The following LDHAL6A variants were observed in gnomAD, a reference collection of about 807,000 sequenced individuals.
LDHAL6A encodes the protein L-lactate dehydrogenase A-like 6A.
In LDHAL6A, 19 loss-of-function variants were observed where a neutral mutation model predicts 28.2. The ratio of observed to expected loss-of-function variants is 0.67; its 90% CI spans 0.47 to 0.99. The LOEUF (loss-of-function observed/expected upper bound fraction) is 0.99. Ranked by LOEUF, LDHAL6A falls within the 50% of genes least tolerant of loss-of-function variation. LDHAL6A has a pLI of 0.00. For missense variants in LDHAL6A, 372 were observed against 398.6 expected (o/e 0.93, Z 0.57); for synonymous variants, 144 against 134.4 (o/e 1.07, Z -0.49).
chr11:18,471,411 T>C (rs1405938867), intron 3 of LDHAL6A, among the ~76,000 whole-genome samples: 3 of 151,864 alleles, frequency 2.0e-5, no homozygotes, highest in South Asian at 2.1e-4. Context: ...AGTTTTGCCA[T>C]GTTGCCCAGG....
rs1014796958 is a variant in LDHAL6A, at chr11:18,479,518, T to G, written c.*648T>G. 6.6e-6 allele frequency: 1 copy of G among 151,778 alleles called. No homozygotes were observed. Among genetic ancestry groups the G allele is most frequent in the Non-Finnish European group, 1.5e-5 (1 of 67,992 alleles). 9.4% of individuals were successfully genotyped at this position (151,778 alleles called of 1,614,324 possible). ...GTTCATTTACATGCTATCTCTACAA[T>G]GTAAAAATAAAAGTGTATATATATA... On this transcript the variant is annotated 3_prime_UTR_variant, in exon 7 of 7. Coordinates refer to ENST00000280706, the MANE Select transcript of LDHAL6A (RefSeq NM_144972.5).
Position 18,475,495 on chromosome 11 carries a change from T to C in LDHAL6A, c.448T>C (p.Leu150=), listed in dbSNP as rs1429879139. ...TATCTTAACTTATGTAGCCTGGAAG[T>C]TGAGTGGATTTCCCAAAAACCGTGT... is the stretch of plus-strand genomic sequence containing the variant. The part of the protein sequence containing the change: ...VDILTYVAWK[L]SGFPKNRVIG... The change falls in exon 4 of 7, where the codon TTG becomes CTG. Residue 150 remains leucine, a synonymous_variant. Transcript: ENST00000280706. The C allele has an allele frequency of 3.7e-6, 6 of 1,613,988 alleles. No homozygotes were observed. The highest frequency in any genetic ancestry group is 2.2e-5 in the South Asian group (2 of 91,072).
chr11:18,475,604 A>G lies in LDHAL6A; in HGVS notation c.557A>G (p.His186Arg), dbSNP rs761154863. The change falls in exon 4 of 7, where the codon CAT becomes CGT. Residue 186 changes from histidine to arginine, a missense_variant. Transcript: ENST00000280706. ...CTTGGCATCCACTCTGAAAGCTGTC[A>G]TGGGCTGATCCTTGGAGAGCATGGC... ...QRLGIHSESC[H>R]GLILGEHGDS... The G allele has an allele frequency of 4.4e-5, 71 of 1,614,188 alleles. No homozygotes were observed. In the East Asian group the frequency reaches 9.1e-4, roughly 21 times the overall value.
At chr11:18,461,167 CAG>C (rs1222470634) in intron 1 of LDHAL6A, among the ~76,000 whole-genome samples, 19 of 138,302 alleles carry the variant, frequency 1.4e-4, no homozygotes, top group African/African-American at 5.4e-4. Context: ...TTTTTTGAGA[CAG>C]AATCTCGCTC....
intron 3 of LDHAL6A, among the ~76,000 whole-genome samples, chr11:18,471,592 G>A (rs1416390181): frequency 1.3e-5 from 2 of 151,908 alleles, no homozygotes; most frequent in South Asian, 2.1e-4. Context: ...GAAATGTGGA[G>A]CACAAGACAT....
intron 3 of LDHAL6A, chr11:18,469,032 T>G (rs1590255666): frequency 4.9e-6 from 2 of 407,604 alleles, no homozygotes; most frequent in African/African-American, 2.1e-5. Flanking sequence ...GATGATACAT[T>G]ATCACATTGT....
intron 2 of LDHAL6A, among the ~76,000 whole-genome samples, chr11:18,464,977 G>GTTTGTTTTTTTTTTTTTTTTTTTTTTT (rs1849013732): frequency 8.0e-6 from 1 of 125,490 alleles, no homozygotes; most frequent in African/African-American, 3.4e-5. Flanking sequence ...TGTTTTTTTT[G>GTTTGTTTTTTTTTTTTTTTTTTTTTTT]TTTTTTTTTG....
intron 3 of LDHAL6A, among the ~76,000 whole-genome samples, chr11:18,469,753 AT>A (rs1194936572): frequency 6.6e-6 from 1 of 152,222 alleles, no homozygotes; most frequent in Non-Finnish European, 1.5e-5. Context: ...GTCTGTTAAA[AT>A]GGTCCACTAA....
At chr11:18,467,397 T>C (rs1340770006) in intron 3 of LDHAL6A, among the ~76,000 whole-genome samples, 2 of 152,192 alleles carry the variant, frequency 1.3e-5, no homozygotes, top group African/African-American at 2.4e-5. Context: ...ACACTTTTTA[T>C]GGTTTACAGC....
rs1198532659 is a variant in LDHAL6A, at chr11:18,475,303, G to T, written c.419-163G>T. 3 of 568,194 alleles carry T rather than the reference G, an allele frequency of 5.3e-6. No homozygotes were observed. In the Admixed American group the frequency reaches 9.8e-5, roughly 19 times the overall value. 35.2% of individuals were successfully genotyped at this position (568,194 alleles called of 1,614,324 possible). On this transcript the variant is annotated intron_variant, in intron 3 of 6. Transcript: ENST00000280706. ...AAAAGGTTTTTCATTACTTCTATTT[G>T]GTAGATATTCTTAAGAGTTGGCGTA...
intron 3 of LDHAL6A, among the ~76,000 whole-genome samples, chr11:18,470,082 C>T (rs1169604406): frequency 6.6e-6 from 1 of 152,176 alleles, no homozygotes. Context: ...GCATGTGCCA[C>T]CATGCCCAGC....
At chr11:18,465,849 G>A (rs766174352) in intron 3 of LDHAL6A, 39 bp downstream of exon 3, 17 of 1,520,558 alleles carry the variant, frequency 1.1e-5, no homozygotes, top group South Asian at 5.8e-5. Context: ...TTTTAGATTC[G>A]GGGGTACACT....
At chr11:18,464,997 G>T (rs71453057) in intron 2 of LDHAL6A, among the ~76,000 whole-genome samples, 29,475 of 113,334 alleles carry the variant, frequency 0.26, 5,273 homozygotes, top group African/African-American at 0.42. Flanking sequence ...GTTTTGTTTT[G>T]TTTTGGTTTG....
At position 18,468,038 on chromosome 11, in the gene LDHAL6A, CATATATATACGTATATATATAT is replaced by C. The variant is rs1565071722; in HGVS notation, c.418+2230_418+2251del. Among the ~76,000 whole-genome samples the C allele has an allele frequency of 1.0e-3, 48 of 46,072 alleles. 8 individuals carry two copies. In the East Asian group the frequency reaches 0.043, roughly 41 times the overall value. 30.2% of individuals were successfully genotyped at this position (46,072 alleles called of 152,430 possible). ...ACATATATATACGTATATATATATA[CATATATATACGTATATATATAT>C]ACATATATATATATATATTTTGCTT... is the stretch of plus-strand genomic sequence containing the variant. On this transcript the variant is annotated intron_variant, in intron 3 of 6. Coordinates refer to ENST00000280706, the MANE Select transcript of LDHAL6A (RefSeq NM_144972.5).
intron 6 of LDHAL6A, 24 bp from the exon 7 acceptor site, chr11:18,478,682 T>G: frequency 6.4e-7 from 1 of 1,573,310 alleles, no homozygotes; most frequent in Middle Eastern, 1.7e-4. Context: ...AAAAAAGGAA[T>G]AATTTTTAAG....
intron 3 of LDHAL6A, among the ~76,000 whole-genome samples, chr11:18,469,979 A>G (rs181810347): frequency 1.3e-5 from 2 of 152,252 alleles, no homozygotes; most frequent in East Asian, 3.9e-4. Flanking sequence ...CCCAGGCTGG[A>G]GTGCAGTGAT....
intron 3 of LDHAL6A, among the ~76,000 whole-genome samples, chr11:18,473,411 AGAC>A (rs1849295490): frequency 6.6e-6 from 1 of 151,716 alleles, no homozygotes. Flanking sequence ...ACAGACAGAC[AGAC>A]AGATAGATAC....
At chr11:18,478,577 G>T in intron 6 of LDHAL6A, 129 bp from the exon 7 acceptor site, 1 of 694,266 alleles carries the variant, frequency 1.4e-6, no homozygotes, top group Non-Finnish European at 2.3e-6. Context: ...AAAGAAAAAA[G>T]TTCTCTGCCT....
chr11:18,473,724 C>T (rs1036068078), intron 3 of LDHAL6A, among the ~76,000 whole-genome samples: 1 of 152,044 alleles, frequency 6.6e-6, no homozygotes, highest in Non-Finnish European at 1.5e-5. Flanking sequence ...TAGTTTTTTT[C>T]TCCCTTGTCC....
Sources: allele counts gnomAD v4.1 joint callset (sites outside exome capture counted in the v4.1 genomes callset), GRCh38; gene constraint gnomAD v4.1.1; transcripts MANE v1.5; gene names NCBI Gene and HGNC (gene_info 2026-07-23, HGNC 2026-07-21).